The following GLB1L2 variants were observed in gnomAD, a reference collection of about 807,000 sequenced individuals.
GLB1L2 encodes beta-galactosidase-1-like protein 2.
GLB1L2 carries 68 observed loss-of-function variants against 84.1 expected under a neutral mutation model. The observed-to-expected ratio is 0.81, with a 90% CI of 0.67 to 0.99. The LOEUF (loss-of-function observed/expected upper bound fraction) is 0.99. GLB1L2 is among the 50% of genes least tolerant of loss of function. The pLI is 0.00. For missense variants in GLB1L2, 762 were observed against 805.6 expected (o/e 0.95, Z 0.66); for synonymous variants, 290 against 318.0 (o/e 0.91, Z 0.94).
rs1362473145 is a variant in GLB1L2 at position 134,334,331 on chromosome 11, C to T, written c.86+2184C>T. ...TGGGCTGGGGGATGTTTGGCTATAG[C>T]TTTTCTTTTTTTTCATCAACTTTTC... is the stretch of plus-strand genomic sequence containing the variant. On this transcript the variant is annotated intron_variant, in intron 1 of 18. Transcript: ENST00000535456. The surrounding 1 kb of genome is among the most constrained non-coding windows in gnomAD (Gnocchi z 4.1). 6.6e-6 allele frequency among the ~76,000 whole-genome samples: 1 copy of T among 152,084 alleles called. No homozygotes were observed. Among genetic ancestry groups the T allele is most frequent in the Non-Finnish European group, 1.5e-5 (1 of 68,020 alleles).
chr11:134,332,003 C>T lies in GLB1L2; in HGVS notation c.-59C>T. The T allele has an allele frequency of 1.6e-6, 2 of 1,234,424 alleles. No individual in the cohort carries two copies. Among genetic ancestry groups the T allele is most frequent in the Non-Finnish European group, 2.2e-6 (2 of 894,190 alleles). The allele number at this position is 1,234,424 out of a possible 1,614,324, so 76.5% of individuals were successfully genotyped here. ...TCCGCCCCCCGCGGCGAGGCTCCCG[C>T]GCGCGGCTGAGTGCGGACTGGAGTG... On this transcript the variant is annotated 5_prime_UTR_variant, in exon 1 of 19. Coordinates refer to ENST00000535456, the MANE Select transcript of GLB1L2 (RefSeq NM_001370461.1).
chr11:134,346,975 T>G, intron 4 of GLB1L2: 1 of 245,306 alleles, frequency 4.1e-6, no homozygotes, highest in Non-Finnish European at 8.3e-6. Context: ...TCCTAACCCT[T>G]TTGACTTCAC....
rs761361702 is a variant in GLB1L2, at chr11:134,374,683, C to G, written c.1789C>G (p.Leu597Val). The G allele has an allele frequency of 6.2e-7, 1 of 1,613,892 alleles. No homozygotes were observed. Among genetic ancestry groups the G allele is most frequent in the East Asian group, 2.2e-5 (1 of 44,898 alleles). The change falls in exon 18 of 19, where the codon CTC becomes GTC. Residue 597 changes from leucine (L) to valine (V), a missense_variant. Around this residue, in one of 3 missense-constraint regions of GLB1L2, gnomAD observed 603 missense variants for 611.7 expected, o/e 0.99. Transcript: ENST00000535456. ...WNIGPQKTLYLPGPWLSSGIN... is the reference protein window; with the variant it reads ...WNIGPQKTLYVPGPWLSSGIN... Reference sequence around the variant, plus strand: ...CATTGGACCCCAGAAGACGCTTTACCTCCCAGGTCCCTGGTTGAGCAGCGG... The same window carrying G: ...CATTGGACCCCAGAAGACGCTTTACGTCCCAGGTCCCTGGTTGAGCAGCGG...
chr11:134,375,032 C>T lies in GLB1L2; in HGVS notation c.1885C>T (p.Leu629=), dbSNP rs1464945770. The change falls in exon 19 of 19, where the codon CTG becomes TTG. Residue 629 remains leucine (L), a synonymous_variant. Transcript: ENST00000535456. ...ATTACAGTTCACGGAAACCCCCCAC[C>T]TGGGCAGGAACCAGTACATTAAGTG... is the stretch of plus-strand genomic sequence containing the variant. ...PALQFTETPH[L]GRNQYIK 6.2e-7 allele frequency: 1 copy of T among 1,613,860 alleles called. No homozygotes were observed. Among genetic ancestry groups the T allele is most frequent in the Admixed American group, 1.7e-5 (1 of 60,002 alleles).
intron 5 of GLB1L2, among the ~76,000 whole-genome samples, chr11:134,349,803 G>A (rs1460614421): frequency 6.6e-6 from 1 of 152,170 alleles, no homozygotes; most frequent in African/African-American, 2.4e-5. Context: ...TTGATTATAG[G>A]AATTCTTTTT....
At chr11:134,346,579 C>A in intron 4 of GLB1L2, 1 of 152,498 alleles carries the variant, frequency 6.6e-6, no homozygotes, top group Non-Finnish European at 1.5e-5. Context: ...TCTCCTCACC[C>A]CTTGTTTGAC....
In GLB1L2 at chr11:134,375,268, G is replaced by A; in HGVS notation, c.*210G>A. 1.8e-6 allele frequency: 1 copy of A among 545,342 alleles called. No individual in the cohort carries two copies. The highest frequency in any genetic ancestry group is 1.9e-5 in the African/African-American group (1 of 52,294). The allele number at this position is 545,342 out of a possible 1,614,324, so 33.8% of individuals were successfully genotyped here. A position where few individuals can be genotyped will look rare whatever the true frequency, so the allele number is the denominator to read the frequency against. On this transcript the variant is annotated 3_prime_UTR_variant, in exon 19 of 19. Coordinates refer to ENST00000535456, the MANE Select transcript of GLB1L2 (RefSeq NM_001370461.1). ...TGGCTCTGGGCCTGGCTTTGTTGAT[G>A]ATGGCTTTCCTACAGCCCTGCTCTT...
chr11:134,350,229 A>G (rs1217850241), intron 5 of GLB1L2, among the ~76,000 whole-genome samples: 1 of 152,144 alleles, frequency 6.6e-6, no homozygotes, highest in Non-Finnish European at 1.5e-5. Flanking sequence ...ACTGCCTTTC[A>G]TGTTTACCTA....
At chr11:134,337,095 A>C (rs1943398428) in intron 1 of GLB1L2, among the ~76,000 whole-genome samples, 1 of 152,208 alleles carries the variant, frequency 6.6e-6, no homozygotes, top group Non-Finnish European at 1.5e-5. Flanking sequence ...CACTTCCTAC[A>C]GTCTTTAGGA....
At chr11:134,332,214 T>C in intron 1 of GLB1L2, 67 bp downstream of exon 1, 3 of 1,174,420 alleles carry the variant, frequency 2.6e-6, no homozygotes, top group South Asian at 2.9e-5. Flanking sequence ...CCTCGGGTTC[T>C]CTCCTCCCGC....
chr11:134,356,953 GCCTCGAGTTTTTTCTAAA>G (rs1943711208), intron 6 of GLB1L2, among the ~76,000 whole-genome samples: 1 of 150,858 alleles, frequency 6.6e-6, no homozygotes, highest in African/African-American at 2.5e-5. Context: ...TTGAACAAAT[GCCTCGAGTTTTTTCTAAA>G]CCTCCTTTCT....
intron 9 of GLB1L2, among the ~76,000 whole-genome samples, chr11:134,368,091 A>G (rs1943890114): frequency 6.6e-6 from 1 of 152,244 alleles, no homozygotes; most frequent in Non-Finnish European, 1.5e-5. Flanking sequence ...CAGATTCAGC[A>G]ACACCGAGTA....
intron 17 of GLB1L2, 71 bp from the exon 18 acceptor site, chr11:134,374,531 C>T (rs748167935): frequency 5.3e-4 from 639 of 1,199,384 alleles, no homozygotes; most frequent in Non-Finnish European, 6.6e-4. Context: ...GAGAGAAGCA[C>T]GCATGCATGT....
chr11:134,352,071 C>G (rs980790867), intron 5 of GLB1L2, among the ~76,000 whole-genome samples: 1 of 152,096 alleles, frequency 6.6e-6, no homozygotes, highest in Non-Finnish European at 1.5e-5. Context: ...GCCATCTGGT[C>G]CTGGACTTTT....
rs753078637 is a variant in GLB1L2, at chr11:134,370,389, A to C, written c.1205A>C (p.Tyr402Ser). The change falls in exon 12 of 19, where the codon TAC (tyrosine) becomes TCC (serine). Residue 402 changes from tyrosine (Y) to serine (S), a missense_variant. Coordinates refer to ENST00000535456, the MANE Select transcript of GLB1L2 (RefSeq NM_001370461.1). The surrounding 1 kb of genome is among the most constrained non-coding windows in gnomAD (Gnocchi z 4.7). ...CTGTCTCTGTGGGACGCCCTCAAGT[A>C]CCTGGGGGAGGTGAGTGCTGTGGGC... ...LYLSLWDALK[Y>S]LGEPIKSEKP... The C allele has an allele frequency of 1.2e-6, 2 of 1,611,684 alleles. No homozygotes were observed. Among genetic ancestry groups the C allele is most frequent in the Non-Finnish European group, 1.7e-6 (2 of 1,179,050 alleles).
chr11:134,362,598 A>G (rs1943810929), intron 7 of GLB1L2, among the ~76,000 whole-genome samples: 1 of 152,182 alleles, frequency 6.6e-6, no homozygotes. Flanking sequence ...TTTCTGGAGA[A>G]GTCCTGGGTT....
intron 13 of GLB1L2, 114 bp downstream of exon 13, chr11:134,371,262 G>A: frequency 1.4e-6 from 2 of 1,389,958 alleles, no homozygotes; most frequent in Admixed American, 3.5e-5. Flanking sequence ...TGGCCCTTCT[G>A]AGTCAGCTCT....
Position 134,358,301 on chromosome 11 carries a change from C to A in GLB1L2, c.652-759C>A, listed in dbSNP as rs550554514. 2.0e-5 allele frequency among the ~76,000 whole-genome samples: 3 copies of A among 152,256 alleles called. No individual in the cohort carries two copies. In the South Asian group the frequency reaches 6.2e-4, roughly 31 times the overall value. On this transcript the variant is annotated intron_variant, in intron 6 of 18. Coordinates refer to ENST00000535456, the MANE Select transcript of GLB1L2 (RefSeq NM_001370461.1). The stretch of plus-strand genomic sequence containing the variant: ...GCCCACGTTGCCATGGGCCCTGTAA[C>A]CTGCGATGCTTGACTTCACGCCTCC...
At position 134,367,302 on chromosome 11, in the gene GLB1L2, G is replaced by C. The variant is rs762363091; in HGVS notation, c.850G>C (p.Asp284His). The C allele has an allele frequency of 1.2e-6, 2 of 1,614,164 alleles. No homozygotes were observed. The highest frequency in any genetic ancestry group is 2.2e-5 in the South Asian group (2 of 91,070). Residue 284 changes from aspartate (D) to histidine (H), a missense_variant, in exon 9 of 19, where the codon GAC (aspartate) becomes CAC (histidine). Transcript: ENST00000535456. ...MVMEYWTGWF[D>H]SWGGPHNILD... is the part of the protein sequence containing the mutation. ...GATGGAGTACTGGACGGGGTGGTTT[G>C]ACTCGTGGGGAGGCCCTCACAATAT... is the stretch of plus-strand genomic sequence containing the variant.
Sources: allele counts gnomAD v4.1 joint callset (sites outside exome capture counted in the v4.1 genomes callset), GRCh38; gene constraint gnomAD v4.1.1; regional missense constraint gnomAD v4.1.1; non-coding constraint Gnocchi (gnomAD v3.1); transcripts MANE v1.5; gene names NCBI Gene and HGNC (gene_info 2026-07-23, HGNC 2026-07-21).